Variants in AMMECR1 observed in about 807,000 individuals in gnomAD.
AMMECR1 encodes AMMECR nuclear protein 1.
AMMECR1 carries 3 observed loss-of-function variants against 22.5 expected under a neutral mutation model. The observed-to-expected ratio is 0.13, with a 90% CI of 0.06 to 0.35. The LOEUF (loss-of-function observed/expected upper bound fraction) is 0.35. AMMECR1 is among the 10% of genes least tolerant of loss of function. AMMECR1 has a pLI of 1.00. For missense variants in AMMECR1, 235 were observed against 278.7 expected (o/e 0.84, Z 1.12); for synonymous variants, 130 against 116.7 (o/e 1.11, Z -0.74).
At chrX:110,329,194 T>A (rs1405283304) in intron 2 of AMMECR1, among the ~76,000 whole-genome samples, 2 of 112,553 alleles carry the variant, frequency 1.8e-5, no homozygotes, top group Non-Finnish European at 3.8e-5. Flanking sequence ...GCGGTTTTGA[T>A]TGGCATTTCT....
chrX:110,313,891 A>C (rs1241220651), intron 1 of AMMECR1, among the ~76,000 whole-genome samples: 1 of 111,572 alleles, frequency 9.0e-6, no homozygotes, highest in Non-Finnish European at 1.9e-5. Flanking sequence ...GAAAATTGCC[A>C]TTCCATTACA....
intron 2 of AMMECR1, among the ~76,000 whole-genome samples, chrX:110,395,851 C>T (rs1045455595): frequency 9.0e-6 from 1 of 111,003 alleles, no homozygotes; most frequent in Non-Finnish European, 1.9e-5. Context: ...GGCTCCAGGC[C>T]TGCCTAGCTG....
intron 1 of AMMECR1, among the ~76,000 whole-genome samples, chrX:110,434,677 T>C (rs182783190): frequency 2.7e-5 from 3 of 111,307 alleles, no homozygotes; most frequent in African/African-American, 6.5e-5. Context: ...AAGGTCTGTT[T>C]GGACTTGCTG....
chrX:110,208,880 A>G (rs1336395920), intron 3 of AMMECR1, among the ~76,000 whole-genome samples: 3 of 111,706 alleles, frequency 2.7e-5, no homozygotes, highest in Non-Finnish European at 5.6e-5. Context: ...GCATCCCATA[A>G]AAACTTAACA....
In AMMECR1 at chrX:110,275,723, A is replaced by T. The variant is rs965593867; in HGVS notation, c.474-11124T>A. On this transcript the variant is annotated intron_variant, in intron 1 of 5. Coordinates refer to ENST00000262844, the MANE Select transcript of AMMECR1 (RefSeq NM_015365.3). ...CGCATGCCTGTAATCTCAGCTACTC[A>T]GGAGGCTGAGGCAGGAGAATCGCTT... is the stretch of plus-strand genomic sequence containing the variant. Among the ~76,000 whole-genome samples, 3 of 110,907 alleles carry T rather than the reference A, an allele frequency of 2.7e-5. No homozygotes were observed. In the East Asian group the frequency reaches 8.5e-4, roughly 31 times the overall value.
chrX:110,222,073 T>C (rs1195482355), intron 2 of AMMECR1, among the ~76,000 whole-genome samples: 5 of 108,923 alleles, frequency 4.6e-5, no homozygotes, highest in African/African-American at 1.7e-4. Flanking sequence ...AAATACCATT[T>C]GACCCAGCCA....
intron 2 of AMMECR1, among the ~76,000 whole-genome samples, chrX:110,395,123 T>G (rs984121015): frequency 8.9e-6 from 1 of 112,612 alleles, no homozygotes; most frequent in Non-Finnish European, 1.9e-5. Flanking sequence ...GGCTGCTTTG[T>G]GGGAAGCCAA....
At chrX:110,292,779 T>A (rs2067915595) in intron 1 of AMMECR1, among the ~76,000 whole-genome samples, 1 of 111,987 alleles carries the variant, frequency 8.9e-6, no homozygotes, top group African/African-American at 3.2e-5. Flanking sequence ...GTACATATAA[T>A]TATACATTTG....
chrX:110,336,935 A>G (rs1207073257), intron 2 of AMMECR1, among the ~76,000 whole-genome samples: 1 of 111,429 alleles, frequency 9.0e-6, no homozygotes, highest in East Asian at 2.8e-4. Context: ...GGATATGTCA[A>G]AAATCATGTA....
chrX:110,240,796 C>T (rs1477964445), intron 2 of AMMECR1, among the ~76,000 whole-genome samples: 1 of 112,120 alleles, frequency 8.9e-6, no homozygotes, highest in Non-Finnish European at 1.9e-5. Flanking sequence ...CCACATAGCA[C>T]TTATTCTAAA....
chrX:110,264,394 T>C (rs2067756869), intron 2 of AMMECR1, 95 bp downstream of exon 2: 1 of 498,869 alleles, frequency 2.0e-6, no homozygotes, highest in Non-Finnish European at 3.4e-6. Context: ...ACAAGAACGT[T>C]GACAATTCAG....
chrX:110,264,555 C>T lies in AMMECR1; in HGVS notation c.518G>A (p.Arg173His). ...GGCAGAAAAAGTACCTATGCATCCA[C>T]GTAATCTTTTGTCTCGACCAATCTT... ...TWKIGRDKRL[R>H]GCIGTFSAMN... Residue 173 changes from arginine to histidine, a missense_variant, in exon 2 of 6, where the codon CGT becomes CAT. This residue lies in a region of AMMECR1 where 111 missense variants were observed against 181.7 expected (regional missense o/e 0.61). Coordinates refer to ENST00000262844, the MANE Select transcript of AMMECR1 (RefSeq NM_015365.3). The T allele has an allele frequency of 1.7e-6, 2 of 1,206,112 alleles. No individual in the cohort carries two copies. The highest frequency in any genetic ancestry group is 2.2e-6 in the Non-Finnish European group (2 of 892,149).
chrX:110,344,433 G>A (rs1233148391), intron 2 of AMMECR1, among the ~76,000 whole-genome samples: 2 of 111,735 alleles, frequency 1.8e-5, no homozygotes, highest in African/African-American at 6.5e-5. Context: ...CATAGGCGTG[G>A]GCAAGGACTT....
intron 1 of AMMECR1, among the ~76,000 whole-genome samples, chrX:110,273,075 G>A (rs1038532100): frequency 3.6e-5 from 4 of 111,836 alleles, no homozygotes; most frequent in Non-Finnish European, 5.6e-5. Context: ...TTAGTTCTTA[G>A]AGAAATGGCC....
chrX:110,328,439 T>TC (rs1491110968), intron 2 of AMMECR1, among the ~76,000 whole-genome samples: 1 of 60,769 alleles, frequency 1.6e-5, no homozygotes, highest in Non-Finnish European at 2.9e-5. Context: ...TCTTTTTCTC[T>TC]TTTTTTTTTT....
chrX:110,257,483 A>G (rs966655608), intron 2 of AMMECR1, among the ~76,000 whole-genome samples: 6 of 111,986 alleles, frequency 5.4e-5, no homozygotes, highest in African/African-American at 1.9e-4. Flanking sequence ...TGACAAGATC[A>G]TTTTCCCCTT....
chrX:110,352,669 C>T lies in AMMECR1; in HGVS notation c.-147-34820G>A, dbSNP rs1602920336. Among the ~76,000 whole-genome samples the T allele has an allele frequency of 2.7e-5, 3 of 111,553 alleles. No individual in the cohort carries two copies. In the South Asian group the frequency reaches 1.1e-3, roughly 42 times the overall value. ...ACAACTCTTTGAATATACTAAAAACCATTTAATTGAACACTTGGAATGGAG... is the reference window on the plus strand; with the variant it reads ...ACAACTCTTTGAATATACTAAAAACTATTTAATTGAACACTTGGAATGGAG... On this transcript the variant is annotated intron_variant, in intron 2 of 7. Transcript: ENST00000372057.
upstream of AMMECR1, among the ~76,000 whole-genome samples, chrX:110,322,226 C>G (rs2068081688): frequency 8.9e-6 from 1 of 111,806 alleles, no homozygotes; most frequent in African/African-American, 3.3e-5. Flanking sequence ...ATGCTAATAT[C>G]TACTCTGAAT....
intron 2 of AMMECR1, chrX:110,219,524 A>G: frequency 1.3e-6 from 1 of 747,618 alleles, no homozygotes; most frequent in African/African-American, 2.3e-5. Context: ...AAATCAATGT[A>G]ATTTTCAAAT....
Sources: allele counts gnomAD v4.1 joint callset (sites outside exome capture counted in the v4.1 genomes callset), GRCh38; gene constraint gnomAD v4.1.1; regional missense constraint gnomAD v4.1.1; transcripts MANE v1.5; gene names NCBI Gene and HGNC (gene_info 2026-07-23, HGNC 2026-07-21).